SGPP2: variants seen among roughly 807,000 people sequenced by gnomAD.
The protein encoded by SGPP2 is sphingosine 1-phosphate phosphohydrolase 2.
Under a neutral mutation model 33.9 loss-of-function variants are expected in SGPP2, and 30 were observed. The ratio of observed to expected loss-of-function variants is 0.89; its 90% CI spans 0.66 to 1.20. SGPP2 has a LOEUF of 1.20. SGPP2 is among the 50% of genes most tolerant of loss of function. SGPP2 has a pLI of 0.00. For missense variants in SGPP2, 458 were observed against 532.1 expected, an observed-to-expected ratio of 0.86 and a Z score of 1.37; for synonymous variants, 233 against 225.0, an observed-to-expected ratio of 1.04 and a Z score of -0.32.
chr2:222,558,990 T>A lies in SGPP2; in HGVS notation c.*92T>A. 1.5e-6 allele frequency: 2 copies of A among 1,291,108 alleles called. No homozygotes were observed. Among genetic ancestry groups the A allele is most frequent in the Non-Finnish European group, 2.1e-6 (2 of 932,790 alleles). 80.0% of individuals were successfully genotyped at this position (1,291,108 alleles called of 1,614,324 possible). A position where few individuals can be genotyped will look rare whatever the true frequency, so the allele number is the denominator to read the frequency against. On this transcript the variant is annotated 3_prime_UTR_variant, in exon 5 of 5. Coordinates refer to ENST00000321276, the MANE Select transcript of SGPP2 (RefSeq NM_152386.4). ...CAAATCTTGACAACTTATTTTTCTTTAACAACAACAAAAAGTCATACGGCT... is the reference window on the plus strand; with the variant it reads ...CAAATCTTGACAACTTATTTTTCTTAAACAACAACAAAAAGTCATACGGCT...
intron 1 of SGPP2, among the ~76,000 whole-genome samples, chr2:222,429,435 C>A (rs916417042): frequency 6.6e-6 from 1 of 152,164 alleles, no homozygotes; most frequent in East Asian, 1.9e-4. Context: ...TCTGAAATGA[C>A]AAAATGAGAT....
rs1697953054 is a variant in SGPP2, at chr2:222,477,166, GGT to G, written c.378+2447_378+2448del. Among the ~76,000 whole-genome samples, 1 of 147,284 alleles carries G rather than the reference GGT, an allele frequency of 6.8e-6. No homozygotes were observed. The highest frequency in any genetic ancestry group is 2.2e-4 in the South Asian group (1 of 4,556). ...GTGTATATATCTGTGTGTGTGTATA[GGT>G]GTGTGTATATGTGTATGTGTGTATA... is the stretch of plus-strand genomic sequence containing the variant. On this transcript the variant is annotated intron_variant, in intron 2 of 4. Transcript: ENST00000321276. This position sits in a 1 kb window ranked among gnomAD's most constrained non-coding sequence, Gnocchi z 6.0.
chr2:222,497,405 G>A (rs1380036449), intron 2 of SGPP2, among the ~76,000 whole-genome samples: 1 of 151,750 alleles, frequency 6.6e-6, no homozygotes, highest in Non-Finnish European at 1.5e-5. Flanking sequence ...TGTCACCACA[G>A]CCAGCTAATT....
chr2:222,438,748 A>G (rs904296270), intron 1 of SGPP2, among the ~76,000 whole-genome samples: 3 of 152,242 alleles, frequency 2.0e-5, no homozygotes, highest in African/African-American at 7.2e-5. Flanking sequence ...TTGAATGGGA[A>G]TGTGGTGGGA....
chr2:222,426,205 G>A (rs1422816247), intron 1 of SGPP2, among the ~76,000 whole-genome samples: 7 of 75,286 alleles, frequency 9.3e-5, no homozygotes. Context: ...GCGAGACTCC[G>A]TCTCAAAAAA....
Position 222,465,682 on chromosome 2 carries a change from T to G in SGPP2, c.220-8886T>G, listed in dbSNP as rs1228938602. Reference sequence around the variant, plus strand: ...CTCACCAGAGTAAATCCAGTTGTGCTCCCATTTAAAACCCTCCCATGGCTT... The same window carrying G: ...CTCACCAGAGTAAATCCAGTTGTGCGCCCATTTAAAACCCTCCCATGGCTT... On this transcript the variant is annotated intron_variant, in intron 1 of 4. Transcript: ENST00000321276. This position sits in a 1 kb window ranked among gnomAD's most constrained non-coding sequence, Gnocchi z 4.1. 6.6e-6 allele frequency among the ~76,000 whole-genome samples: 1 copy of G among 152,208 alleles called. No individual in the cohort carries two copies. Among genetic ancestry groups the G allele is most frequent in the South Asian group, 2.1e-4 (1 of 4,836 alleles).
intron 2 of SGPP2, among the ~76,000 whole-genome samples, chr2:222,512,499 T>C (rs1397186017): frequency 6.6e-6 from 1 of 152,196 alleles, no homozygotes; most frequent in African/African-American, 2.4e-5. Flanking sequence ...TCTCAAAGTC[T>C]ATAGTGTACA....
At chr2:222,549,434 T>A (rs1484663191) in intron 4 of SGPP2, among the ~76,000 whole-genome samples, 2 of 152,220 alleles carry the variant, frequency 1.3e-5, no homozygotes, top group African/African-American at 4.8e-5. Flanking sequence ...TACCCAGTGA[T>A]GTTCACTAAA....
chr2:222,469,871 C>T (rs2106092039), intron 1 of SGPP2, among the ~76,000 whole-genome samples: 2 of 152,212 alleles, frequency 1.3e-5, no homozygotes, highest in East Asian at 3.9e-4. Flanking sequence ...ACCCAAATGC[C>T]CATCAATGAT....
In SGPP2 at chr2:222,561,103, A is replaced by C. The variant is rs78425143; in HGVS notation, c.*2205A>C. Among the ~76,000 whole-genome samples the C allele has an allele frequency of 4.9e-4, 37 of 76,170 alleles. No homozygotes were observed. Among genetic ancestry groups the C allele is most frequent in the African/African-American group, 1.6e-3 (35 of 21,296 alleles). 50.0% of individuals were successfully genotyped at this position (76,170 alleles called of 152,430 possible). A position where few individuals can be genotyped will look rare whatever the true frequency, so the allele number is the denominator to read the frequency against. On this transcript the variant is annotated 3_prime_UTR_variant, in exon 5 of 5. Transcript: ENST00000321276. ...CTGGGCGACAGAGCGAGACTCTCTCAAAAAAAAAAAAAAAGAATTTTTAGC... is the reference window on the plus strand; with the variant it reads ...CTGGGCGACAGAGCGAGACTCTCTCCAAAAAAAAAAAAAAGAATTTTTAGC...
chr2:222,436,429 A>T (rs1258196138), intron 1 of SGPP2, among the ~76,000 whole-genome samples: 1 of 152,218 alleles, frequency 6.6e-6, no homozygotes, highest in African/African-American at 2.4e-5. Context: ...TTCAGAGCAT[A>T]CAAGGCCTTC....
At chr2:222,527,516 A>G (rs570351943) in intron 4 of SGPP2, among the ~76,000 whole-genome samples, 10 of 152,288 alleles carry the variant, frequency 6.6e-5, no homozygotes, top group African/African-American at 2.4e-4. Flanking sequence ...GGGTTTGAAT[A>G]TGCAGCTATG....
At position 222,550,417 on chromosome 2, in the gene SGPP2, T is replaced by G. The variant is rs1689273259; in HGVS notation, c.649-7930T>G. Among the ~76,000 whole-genome samples, 1 of 152,206 alleles carries G rather than the reference T, an allele frequency of 6.6e-6. No homozygotes were observed. Among genetic ancestry groups the G allele is most frequent in the African/African-American group, 2.4e-5 (1 of 41,460 alleles). ...AGAAAATTTGGAAGATCCTGGAGTATAGAGAAGATAATAGTCATCTGTAAT... is the reference window on the plus strand; with the variant it reads ...AGAAAATTTGGAAGATCCTGGAGTAGAGAGAAGATAATAGTCATCTGTAAT... On this transcript the variant is annotated intron_variant, in intron 4 of 4. Coordinates refer to ENST00000321276, the MANE Select transcript of SGPP2 (RefSeq NM_152386.4). The surrounding 1 kb of genome is among the most constrained non-coding windows in gnomAD (Gnocchi z 4.5).
chr2:222,521,699 C>A, intron 2 of SGPP2, 68 bp from the exon 3 acceptor site: 1 of 1,525,862 alleles, frequency 6.6e-7, no homozygotes, highest in Non-Finnish European at 8.8e-7. Flanking sequence ...AAAATATATC[C>A]ATGACATTTG....
intron 2 of SGPP2, among the ~76,000 whole-genome samples, chr2:222,488,497 T>A (rs1323678949): frequency 3.9e-5 from 6 of 152,188 alleles, no homozygotes; most frequent in Non-Finnish European, 5.9e-5. Context: ...CCTAAAAGCA[T>A]CTTCCCTCAC....
chr2:222,499,633 C>CACAAGTTGGGGCATTGGGGGAAAG (rs551220715), intron 2 of SGPP2, among the ~76,000 whole-genome samples: 184 of 151,992 alleles, frequency 1.2e-3, no homozygotes, highest in African/African-American at 4.3e-3. Flanking sequence ...TTGGGGGAAA[C>CACAAGTTGGGGCATTGGGGGAAAG]ACAAGTTGGG....
chr2:222,424,957 G>A, intron 1 of SGPP2, 136 bp downstream of exon 1: 2 of 697,096 alleles, frequency 2.9e-6, no homozygotes, highest in Non-Finnish European at 4.0e-6. Context: ...CCGCCGCTGC[G>A]AGCGGACGGG....
chr2:222,509,045 T>G (rs1574868300), intron 2 of SGPP2, among the ~76,000 whole-genome samples: 2 of 152,244 alleles, frequency 1.3e-5, no homozygotes, highest in African/African-American at 4.8e-5. Context: ...TTTAGAGTGT[T>G]TCCAAATAAC....
intron 4 of SGPP2, among the ~76,000 whole-genome samples, chr2:222,551,802 T>A (rs1222577256): frequency 6.6e-6 from 1 of 152,224 alleles, no homozygotes; most frequent in African/African-American, 2.4e-5. Context: ...AAATCAGCAA[T>A]TACAAAGGAA....
Sources: allele counts gnomAD v4.1 joint callset (sites outside exome capture counted in the v4.1 genomes callset), GRCh38; gene constraint gnomAD v4.1.1; non-coding constraint Gnocchi (gnomAD v3.1); transcripts MANE v1.5; gene names NCBI Gene and HGNC (gene_info 2026-07-23, HGNC 2026-07-21).